The following SEPTIN9 variants were observed in gnomAD, a reference collection of about 807,000 sequenced individuals.
SEPTIN9 encodes septin 9.
Under a neutral mutation model 56.6 loss-of-function variants are expected in SEPTIN9, and 13 were observed. That is an observed-to-expected ratio of 0.23 (90% CI 0.15 to 0.37). The LOEUF (loss-of-function observed/expected upper bound fraction) is 0.37. SEPTIN9 is among the 10% of genes least tolerant of loss of function. The pLI is 1.00. For synonymous variants in SEPTIN9, 332 were observed against 334.1 expected (o/e 0.99, Z 0.07); for missense variants, 650 against 823.1 (o/e 0.79, Z 2.57).
At chr17:77,353,878 C>T (rs1343375457) in intron 2 of SEPTIN9, among the ~76,000 whole-genome samples, 6 of 152,146 alleles carry the variant, frequency 3.9e-5, no homozygotes, top group Non-Finnish European at 8.8e-5. Context: ...AGAATGCACA[C>T]ACGCACATTG....
At chr17:77,419,468 G>A (rs533989598) in intron 3 of SEPTIN9, among the ~76,000 whole-genome samples, 1 of 152,150 alleles carries the variant, frequency 6.6e-6, no homozygotes, top group South Asian at 2.1e-4. Flanking sequence ...AGGAAGAAGA[G>A]GGGCCGTAAT....
At chr17:77,343,050 G>C (rs1281320300) in intron 2 of SEPTIN9, among the ~76,000 whole-genome samples, 1 of 117,356 alleles carries the variant, frequency 8.5e-6, no homozygotes, top group Non-Finnish European at 1.8e-5. Context: ...TCTAGTCTCT[G>C]TCCCCCAACT....
At chr17:77,467,226 G>A (rs1403707552) in intron 3 of SEPTIN9, among the ~76,000 whole-genome samples, 2 of 152,224 alleles carry the variant, frequency 1.3e-5, no homozygotes, top group African/African-American at 2.4e-5. Context: ...TCTTCCACGC[G>A]GTGCTTGGGG....
Position 77,499,467 on chromosome 17 carries a change from C to G in SEPTIN9, c.*809C>G. On this transcript the variant is annotated 3_prime_UTR_variant, in exon 12 of 12. Transcript: ENST00000427177. ...AAAAGGAAGGAGAGATGACCCCTAC[C>G]CCCTCATCCCCCAGTTTTGAAAAGG... The G allele has an allele frequency of 1.9e-6, 1 of 517,976 alleles. No individual in the cohort carries two copies. Among genetic ancestry groups the G allele is most frequent in the South Asian group, 1.6e-5 (1 of 62,668 alleles). 32.1% of individuals were successfully genotyped at this position (517,976 alleles called of 1,614,324 possible).
rs539794261 is a variant in SEPTIN9, at chr17:77,465,465, G to A, written c.722-16679G>A. ...TTGGCCAGCCAGGTGCTGCGAGTCC[G>A]TGTCGCAGCCATTTCTCTGTGCTGT... On this transcript the variant is annotated intron_variant, in intron 3 of 11. Coordinates refer to ENST00000427177, the MANE Select transcript of SEPTIN9 (RefSeq NM_001113491.2). 7.2e-5 allele frequency among the ~76,000 whole-genome samples: 11 copies of A among 152,346 alleles called. No individual in the cohort carries two copies. The East Asian group carries it at 7.7e-4, about 11-fold the overall frequency.
chr17:77,390,166 C>T (rs1408584974), intron 2 of SEPTIN9, among the ~76,000 whole-genome samples: 6 of 151,722 alleles, frequency 4.0e-5, no homozygotes, highest in Admixed American at 6.6e-5. Flanking sequence ...TTCTGCTCTG[C>T]GTAAAGAGAG....
chr17:77,370,409 C>T (rs1400579564), intron 2 of SEPTIN9, among the ~76,000 whole-genome samples: 1 of 152,190 alleles, frequency 6.6e-6, no homozygotes, highest in African/African-American at 2.4e-5. Flanking sequence ...TAGAAGGACA[C>T]AGCATTGAAT....
chr17:77,288,183 T>G, intron 1 of SEPTIN9: 2 of 1,055,966 alleles, frequency 1.9e-6, no homozygotes, highest in Non-Finnish European at 2.3e-6. Context: ...CTTTTCTCAA[T>G]GGGGATGTGG....
intron 1 of SEPTIN9, 85 bp from the exon 2 acceptor site, chr17:77,307,056 G>T (rs537577849): frequency 3.1e-6 from 4 of 1,288,294 alleles, no homozygotes; most frequent in Non-Finnish European, 4.5e-6. Context: ...GAGCAAAGGC[G>T]AGGACATTCC....
At chr17:77,340,136 G>GT (rs1045608498) in intron 2 of SEPTIN9, among the ~76,000 whole-genome samples, 13 of 149,884 alleles carry the variant, frequency 8.7e-5, no homozygotes, top group Admixed American at 5.3e-4. Context: ...GCCCTTTTTT[G>GT]TTTTTTTGTT....
At position 77,402,747 on chromosome 17, in the gene SEPTIN9, G is replaced by A; in HGVS notation, c.721+44G>A. 6.6e-7 allele frequency: 1 copy of A among 1,512,408 alleles called. No homozygotes were observed. The highest frequency in any genetic ancestry group is 8.8e-7 in the Non-Finnish European group (1 of 1,131,754). 93.7% of individuals were successfully genotyped at this position (1,512,408 alleles called of 1,614,324 possible). ...GGTCTTGGATGCTGTGGTAATGGGG[G>A]GCCTGGTTGCTGGCTTTGCCACAGA... On this transcript the variant is annotated intron_variant, in intron 3 of 11. Coordinates refer to ENST00000427177, the MANE Select transcript of SEPTIN9 (RefSeq NM_001113491.2). This position sits in a 1 kb window ranked among gnomAD's most constrained non-coding sequence, Gnocchi z 6.6.
At chr17:77,362,078 C>T (rs1347332412) in intron 2 of SEPTIN9, among the ~76,000 whole-genome samples, 1 of 152,244 alleles carries the variant, frequency 6.6e-6, no homozygotes, top group Non-Finnish European at 1.5e-5. Flanking sequence ...TGGCCATTCA[C>T]TGGCCTTGAA....
intron 2 of SEPTIN9, among the ~76,000 whole-genome samples, chr17:77,381,946 C>A (rs1368285573): frequency 1.3e-5 from 2 of 152,206 alleles, no homozygotes; most frequent in African/African-American, 4.8e-5. Context: ...GGCTTCCTAA[C>A]CAGAGACCGG....
chr17:77,290,744 G>A (rs1483750671), intron 1 of SEPTIN9, among the ~76,000 whole-genome samples: 2 of 150,380 alleles, frequency 1.3e-5, no homozygotes, highest in Non-Finnish European at 3.0e-5. Context: ...GAACCCGGAA[G>A]GCGGAGCTTG....
chr17:77,327,333 C>G lies in SEPTIN9; in HGVS notation c.76+20136C>G, dbSNP rs2033177299. Among the ~76,000 whole-genome samples, 1 of 152,162 alleles carries G rather than the reference C, an allele frequency of 6.6e-6. No homozygotes were observed. The highest frequency in any genetic ancestry group is 1.5e-5 in the Non-Finnish European group (1 of 68,030). On this transcript the variant is annotated intron_variant, in intron 2 of 11. Coordinates refer to ENST00000427177, the MANE Select transcript of SEPTIN9 (RefSeq NM_001113491.2). This position sits in a 1 kb window ranked among gnomAD's most constrained non-coding sequence, Gnocchi z 5.0. ...GGCCCGTCTCTTGCTCTGGGCACCC[C>G]CCCACTCCGAACGGCCAGAGCTTCT...
rs2039201371 is a variant in SEPTIN9, at chr17:77,476,053, C to T, written c.722-6091C>T. On this transcript the variant is annotated intron_variant, in intron 3 of 11. Coordinates refer to ENST00000427177, the MANE Select transcript of SEPTIN9 (RefSeq NM_001113491.2). This position sits in a 1 kb window ranked among gnomAD's most constrained non-coding sequence, Gnocchi z 6.0. ...GTCACTCCCCTGGAGCTGGGAATGG[C>T]ATTGGGCGGTGGCTCAGGGTCCCTT... 1.1e-6 allele frequency: 1 copy of T among 874,712 alleles called. No homozygotes were observed. Among genetic ancestry groups the T allele is most frequent in the Admixed American group, 2.4e-5 (1 of 42,508 alleles). 54.2% of individuals were successfully genotyped at this position (874,712 alleles called of 1,614,324 possible).
At chr17:77,472,160 G>A (rs1477556719) in intron 3 of SEPTIN9, among the ~76,000 whole-genome samples, 2 of 152,180 alleles carry the variant, frequency 1.3e-5, no homozygotes, top group South Asian at 4.1e-4. Context: ...GAGGTGGTGG[G>A]TTGCAAATGA....
rs138753446 is a variant in SEPTIN9, at chr17:77,461,608, T to C, written c.722-20536T>C. 5.9e-5 allele frequency among the ~76,000 whole-genome samples: 9 copies of C among 152,386 alleles called. No homozygotes were observed. In the East Asian group the frequency reaches 1.7e-3, roughly 29 times the overall value. ...TAGCTTTATGGAGATAGAATTCACA[T>C]ACTGTGACGTTGACCTTTTTAAAAT... On this transcript the variant is annotated intron_variant, in intron 3 of 11. Coordinates refer to ENST00000427177, the MANE Select transcript of SEPTIN9 (RefSeq NM_001113491.2).
At chr17:77,325,585 C>A (rs564320711) in intron 2 of SEPTIN9, among the ~76,000 whole-genome samples, 1 of 152,176 alleles carries the variant, frequency 6.6e-6, no homozygotes, top group African/African-American at 2.4e-5. Flanking sequence ...GCCTGCCCTG[C>A]GGACATGCCC....
Sources: gnomAD v4.1 joint callset for allele counts (sites outside exome capture counted in the v4.1 genomes callset) on GRCh38, gnomAD v4.1.1 for gene constraint, Gnocchi (gnomAD v3.1) non-coding constraint, MANE v1.5 for transcripts, NCBI Gene and HGNC (gene_info 2026-07-23, HGNC 2026-07-21) for gene names.